SAMHD1: variants seen among roughly 807,000 people sequenced by gnomAD.
SAMHD1 encodes the protein SAM and HD domain containing deoxynucleoside triphosphate triphosphohydrolase 1.
In SAMHD1, 54 loss-of-function variants were observed where a neutral mutation model predicts 79.6. The observed-to-expected ratio is 0.68, with a 90% confidence interval of 0.55 to 0.85. SAMHD1 has a LOEUF of 0.85. Among genes scored for constraint, SAMHD1 ranks in the 40% least tolerant of loss-of-function variants. The pLI, the probability that SAMHD1 is intolerant of heterozygous loss-of-function variation, is 0.00. For missense variants in SAMHD1, 663 were observed against 782.7 expected (o/e 0.85, Z 1.82); for synonymous variants, 260 against 264.1 (o/e 0.98, Z 0.15).
rs576689355 is a variant in SAMHD1, at chr20:36,938,368, C to T, written c.348+2671G>A. ...CAGCCTGGCCAACATGGTGAAACCC[C>T]GTCTCTACTAAAAATACAAAAATTA... On this transcript the variant is annotated intron_variant, in intron 3 of 15. Coordinates refer to ENST00000646673, the MANE Select transcript of SAMHD1 (RefSeq NM_015474.4). Among the ~76,000 whole-genome samples, 79 of 151,990 alleles carry T rather than the reference C, an allele frequency of 5.2e-4. 1 individual carries two copies. In the South Asian group the frequency reaches 0.011, roughly 20 times the overall value.
chr20:36,949,079 A>G (rs557600587), intron 1 of SAMHD1, among the ~76,000 whole-genome samples: 1 of 151,058 alleles, frequency 6.6e-6, no homozygotes, highest in East Asian at 2.0e-4. Flanking sequence ...AGCCTGGCCA[A>G]CATGGTGAAA....
Position 36,892,858 on chromosome 20 carries a change from G to T in SAMHD1, c.*74C>A. ...TTAAAGCATGAGTTGTCATTAATTT[G>T]CAGAATTCTATGATTGAAGCCTCTA... On this transcript the variant is annotated 3_prime_UTR_variant, in exon 16 of 16. Coordinates refer to ENST00000646673, the MANE Select transcript of SAMHD1 (RefSeq NM_015474.4). The T allele has an allele frequency of 6.4e-7, 1 of 1,570,750 alleles. No individual in the cohort carries two copies. The highest frequency in any genetic ancestry group is 1.3e-5 in the African/African-American group (1 of 74,076).
chr20:36,910,096 G>A lies in SAMHD1; in HGVS notation c.1270+1122C>T, dbSNP rs893268034. On this transcript the variant is annotated intron_variant, in intron 11 of 15. Coordinates refer to ENST00000646673, the MANE Select transcript of SAMHD1 (RefSeq NM_015474.4). Reference sequence around the variant, plus strand: ...AAATTAGCCAGGTGTGGTGGCGGGCGCCTGTAGTCCCAGCTACTCGGGAGG... The same window carrying A: ...AAATTAGCCAGGTGTGGTGGCGGGCACCTGTAGTCCCAGCTACTCGGGAGG... 3.3e-5 allele frequency among the ~76,000 whole-genome samples: 5 copies of A among 151,956 alleles called. No individual in the cohort carries two copies. In the South Asian group the frequency reaches 6.2e-4, roughly 19 times the overall value.
Position 36,897,806 on chromosome 20 carries a change from G to A in SAMHD1, c.1746+16C>T. ...ATAAAAAATTGTGCAAAGTTTGTGA[G>A]TAACAGGCCACCTACCTGCGGCTTG... On this transcript the variant is annotated intron_variant, in intron 15 of 15. Transcript: ENST00000646673. 1 of 1,614,112 alleles carries A rather than the reference G, an allele frequency of 6.2e-7. No homozygotes were observed. The highest frequency in any genetic ancestry group is 8.5e-7 in the Non-Finnish European group (1 of 1,179,978).
In SAMHD1 at chr20:36,898,458, G is replaced by A. The variant is rs1354357820; in HGVS notation, c.1590C>T (p.Ile530=). The change falls in exon 14 of 16, where the codon ATC becomes ATT. Residue 530 remains isoleucine (I), a synonymous_variant. Transcript: ENST00000646673. ...TAGTTACCTGGTTTTTAGTAATCCT[G>A]ATTGCTCTGTTGGGGGCAGTCTTAC... ...FYCKTAPNRA[I]RITKNQVSQL... 6.2e-7 allele frequency: 1 copy of A among 1,613,162 alleles called. No homozygotes were observed. The highest frequency in any genetic ancestry group is 2.2e-5 in the East Asian group (1 of 44,884).
intron 13 of SAMHD1, among the ~76,000 whole-genome samples, 162 bp from the exon 14 acceptor site, chr20:36,898,706 G>A (rs1990244351): frequency 6.6e-6 from 1 of 152,062 alleles, no homozygotes; most frequent in African/African-American, 2.4e-5. Context: ...GAGGTCAGGA[G>A]TTCGAGACCA....
chr20:36,944,396 T>C (rs2146148333), intron 2 of SAMHD1, among the ~76,000 whole-genome samples: 1 of 152,204 alleles, frequency 6.6e-6, no homozygotes, highest in Admixed American at 6.5e-5. Context: ...TGGAAGTCAG[T>C]TAAATGTTCT....
chr20:36,920,956 T>G (rs995401005), intron 6 of SAMHD1, among the ~76,000 whole-genome samples: 1 of 150,642 alleles, frequency 6.6e-6, no homozygotes, highest in African/African-American at 2.4e-5. Flanking sequence ...TATAGTGACA[T>G]GCGCCTGTGG....
chr20:36,907,518 G>A (rs897362039), intron 11 of SAMHD1, among the ~76,000 whole-genome samples: 3 of 148,516 alleles, frequency 2.0e-5, no homozygotes, highest in African/African-American at 5.0e-5. Flanking sequence ...GGCACATGCC[G>A]CCACACCTGG....
chr20:36,892,693 T>C lies in SAMHD1; in HGVS notation c.*239A>G. 1.7e-6 allele frequency: 1 copy of C among 576,590 alleles called. No individual in the cohort carries two copies. Among genetic ancestry groups the C allele is most frequent in the South Asian group, 2.0e-5 (1 of 49,914 alleles). The allele number at this position is 576,590 out of a possible 1,614,324, so 35.7% of individuals were successfully genotyped here. A position where few individuals can be genotyped will look rare whatever the true frequency, so the allele number is the denominator to read the frequency against. On this transcript the variant is annotated 3_prime_UTR_variant, in exon 16 of 16. Coordinates refer to ENST00000646673, the MANE Select transcript of SAMHD1 (RefSeq NM_015474.4). Reference sequence around the variant, plus strand: ...TTGTTATTCTAAGAAAATAGACTACTGAAGGAGAAAGGCTTTAATAATATT... The same window carrying C: ...TTGTTATTCTAAGAAAATAGACTACCGAAGGAGAAAGGCTTTAATAATATT...
intron 2 of SAMHD1, among the ~76,000 whole-genome samples, chr20:36,945,246 G>T (rs774124606): frequency 6.6e-6 from 1 of 152,084 alleles, no homozygotes; most frequent in Non-Finnish European, 1.5e-5. Context: ...TTTACTAAGC[G>T]TTAATCATAT....
intron 1 of SAMHD1, among the ~76,000 whole-genome samples, chr20:36,948,277 G>A (rs1217973743): frequency 6.6e-6 from 1 of 151,446 alleles, no homozygotes; most frequent in Admixed American, 6.6e-5. Context: ...TTCCGAGATG[G>A]AGTCTCACTC....
In SAMHD1 at chr20:36,892,782, T is replaced by C. The variant is rs1990107386; in HGVS notation, c.*150A>G. On this transcript the variant is annotated 3_prime_UTR_variant, in exon 16 of 16. Transcript: ENST00000646673. ...ATTTGCCTAATACCATCTTATTTCT[T>C]TGATTAAAAGTTACTTAGCTTCAGC... is the stretch of plus-strand genomic sequence containing the variant. 2.0e-6 allele frequency: 2 copies of C among 984,788 alleles called. No homozygotes were observed. The highest frequency in any genetic ancestry group is 3.3e-6 in the Non-Finnish European group (2 of 615,054). 61.0% of individuals were successfully genotyped at this position (984,788 alleles called of 1,614,324 possible).
intron 1 of SAMHD1, among the ~76,000 whole-genome samples, chr20:36,948,948 A>G (rs1352796279): frequency 6.7e-6 from 1 of 149,968 alleles, no homozygotes; most frequent in Non-Finnish European, 1.5e-5. Flanking sequence ...AATATCAGAT[A>G]TCTGCAAGAG....
chr20:36,898,337 T>C (rs1173253655), intron 14 of SAMHD1, 103 bp downstream of exon 14: 2 of 894,798 alleles, frequency 2.2e-6, no homozygotes, highest in East Asian at 5.0e-5. Flanking sequence ...CCACTTTAAT[T>C]GTAAAGATAT....
rs865983748 is a variant in SAMHD1 at position 36,895,480 on chromosome 20, T to C, written c.1746+2342A>G. 5.5e-4 allele frequency among the ~76,000 whole-genome samples: 83 copies of C among 152,190 alleles called. 1 individual carries two copies. The highest frequency in any genetic ancestry group is 4.6e-4 in the Admixed American group (7 of 15,278). ...CCATGCTCCTATAATTATTAACTTATGGAGAAAAATTAATAATAATTATTA... is the reference window on the plus strand; with the variant it reads ...CCATGCTCCTATAATTATTAACTTACGGAGAAAAATTAATAATAATTATTA... On this transcript the variant is annotated intron_variant, in intron 15 of 15. Coordinates refer to ENST00000646673, the MANE Select transcript of SAMHD1 (RefSeq NM_015474.4).
At chr20:36,896,010 A>G (rs1990190676) in intron 15 of SAMHD1, among the ~76,000 whole-genome samples, 1 of 152,098 alleles carries the variant, frequency 6.6e-6, no homozygotes, top group African/African-American at 2.4e-5. Flanking sequence ...GGATATGTAT[A>G]GGTCATATGC....
chr20:36,930,731 T>A (rs1456292637), intron 5 of SAMHD1, 29 bp downstream of exon 5: 1 of 1,462,414 alleles, frequency 6.8e-7, no homozygotes, highest in African/African-American at 1.4e-5. Context: ...TGATTTTACA[T>A]AACAACTTTG....
At position 36,904,165 on chromosome 20, in the gene SAMHD1, T is replaced by A; in HGVS notation, c.1495A>T (p.Ile499Leu). ...CTGGGCTAATTACTTACATCCACTA[T>A]AAAATCTTCAGCCTTCAGTTTCACG... ...LDVKLKAEDF[I>L]VDVINMDYGM... Residue 499 changes from isoleucine (I) to leucine (L), a missense_variant, in exon 13 of 16, where the codon ATA becomes TTA. By Grantham distance (5) the Ile-to-Leu change is conservative. Transcript: ENST00000646673. 6.2e-7 allele frequency: 1 copy of A among 1,609,276 alleles called. No individual in the cohort carries two copies. Among genetic ancestry groups the A allele is most frequent in the African/African-American group, 1.3e-5 (1 of 74,958 alleles).
Sources: allele counts gnomAD v4.1 joint callset (sites outside exome capture counted in the v4.1 genomes callset), GRCh38; gene constraint gnomAD v4.1.1; transcripts MANE v1.5; gene names NCBI Gene and HGNC (gene_info 2026-07-23, HGNC 2026-07-21).